PLCE1: variants seen among roughly 807,000 people sequenced by gnomAD.
PLCE1 encodes phospholipase C epsilon 1, also known as 1-phosphatidylinositol 4,5-bisphosphate phosphodiesterase epsilon-1.
In PLCE1, 119 loss-of-function variants were observed where a neutral mutation model predicts 242.8. The observed-to-expected ratio is 0.49, with a 90% CI of 0.42 to 0.57. The LOEUF (loss-of-function observed/expected upper bound fraction) is 0.57. Ranked by LOEUF, PLCE1 falls within the 20% of genes least tolerant of loss-of-function variation. PLCE1 has a pLI of 0.00. For synonymous variants in PLCE1, 945 were observed against 1,017.4 expected (o/e 0.93, Z 1.35); for missense variants, 2,441 against 2,788.8 (o/e 0.88, Z 2.81).
chr10:94,159,572 T>C (rs1021123327), intron 3 of PLCE1, among the ~76,000 whole-genome samples: 2 of 152,116 alleles, frequency 1.3e-5, no homozygotes, highest in Non-Finnish European at 2.9e-5. Flanking sequence ...CAAAGGAAAA[T>C]GGATAGAGTA....
At chr10:94,014,439 A>T (rs1191510229) in intron 1 of PLCE1, among the ~76,000 whole-genome samples, 4 of 31,492 alleles carry the variant, frequency 1.3e-4, no homozygotes, top group Non-Finnish European at 2.1e-4. Context: ...TCCTGTCTTT[A>T]AAAAAAAAAA....
chr10:94,265,998 C>A, intron 16 of PLCE1, 40 bp downstream of exon 16: 1 of 1,598,950 alleles, frequency 6.3e-7, no homozygotes, highest in Non-Finnish European at 8.6e-7. Context: ...TTTATTAAAC[C>A]TAATTATTTA....
intron 29 of PLCE1, among the ~76,000 whole-genome samples, chr10:94,320,538 G>A (rs185435980): frequency 2.6e-5 from 4 of 152,258 alleles, no homozygotes; most frequent in East Asian, 3.9e-4. Context: ...CCAAGATAGC[G>A]ACAGCAACTC....
At chr10:94,217,226 G>A (rs982181746) in intron 4 of PLCE1, among the ~76,000 whole-genome samples, 12 of 151,910 alleles carry the variant, frequency 7.9e-5, no homozygotes, top group African/African-American at 2.2e-4. Flanking sequence ...GAGCTGAAAG[G>A]ATAGGATAAG....
rs561150484 is a variant in PLCE1 at position 94,024,709 on chromosome 10, T to C, written c.-364-5974T>C. Among the ~76,000 whole-genome samples the C allele has an allele frequency of 4.6e-5, 7 of 152,260 alleles. No individual in the cohort carries two copies. In the South Asian group the frequency reaches 1.5e-3, roughly 32 times the overall value. On this transcript the variant is annotated intron_variant, in intron 1 of 32. Coordinates refer to ENST00000371380, the MANE Select transcript of PLCE1 (RefSeq NM_016341.4). ...CCTTTAAACACCTTTAATATGCTTG[T>C]ATTTCATATTTTTCTAACTTAACTA...
chr10:94,299,104 T>C (rs773366293), intron 24 of PLCE1, among the ~76,000 whole-genome samples: 7 of 152,170 alleles, frequency 4.6e-5, no homozygotes, highest in Non-Finnish European at 1.0e-4. Flanking sequence ...CTTATCCTTT[T>C]GGAATTGAGA....
intron 4 of PLCE1, among the ~76,000 whole-genome samples, chr10:94,173,308 A>G (rs953598854): frequency 1.1e-4 from 16 of 152,162 alleles, no homozygotes; most frequent in African/African-American, 3.9e-4. Context: ...ACTGAGTAAG[A>G]CAGAATCTCT....
At chr10:94,124,186 T>C (rs10882395) in intron 2 of PLCE1, among the ~76,000 whole-genome samples, 54,014 of 151,690 alleles carry the variant, frequency 0.36, 10,042 homozygotes, top group Admixed American at 0.39. Flanking sequence ...TTGAGACCAG[T>C]GTGGGCAACA....
At chr10:94,095,985 C>T (rs574557090) in intron 2 of PLCE1, among the ~76,000 whole-genome samples, 1 of 152,230 alleles carries the variant, frequency 6.6e-6, no homozygotes, top group Admixed American at 6.5e-5. Context: ...TTGAGGGAGG[C>T]TGTCATCTTC....
At chr10:94,166,074 G>T (rs1233527424) in intron 3 of PLCE1, among the ~76,000 whole-genome samples, 2 of 152,120 alleles carry the variant, frequency 1.3e-5, no homozygotes, top group Non-Finnish European at 2.9e-5. Flanking sequence ...ACAGAACTGT[G>T]TAAGTTATAC....
At chr10:94,121,914 A>G (rs1187186464) in intron 2 of PLCE1, among the ~76,000 whole-genome samples, 1 of 152,222 alleles carries the variant, frequency 6.6e-6, no homozygotes, top group Non-Finnish European at 1.5e-5. Context: ...CCATGAAGAT[A>G]GAGGCCACAC....
chr10:94,262,694 G>T lies in PLCE1; in HGVS notation c.4015G>T (p.Glu1339Ter). The change falls in exon 14 of 33, where the codon GAA (glutamate) becomes TAA (stop). Residue 1339 changes from glutamate to a stop codon, truncating the protein, a stop_gained. Coordinates refer to ENST00000371380, the MANE Select transcript of PLCE1 (RefSeq NM_016341.4). LOFTEE classifies it high-confidence loss of function. ...LNDFLVNCQG[E>*]HCTYDEILSI... Reference sequence around the variant, plus strand: ...CGATTTCCTCGTGAATTGCCAAGGAGAACACTGCACTTATGATGAAATCCT... The same window carrying T: ...CGATTTCCTCGTGAATTGCCAAGGATAACACTGCACTTATGATGAAATCCT... 1 of 1,613,966 alleles carries T rather than the reference G, an allele frequency of 6.2e-7. No homozygotes were observed. The highest frequency in any genetic ancestry group is 1.1e-5 in the South Asian group (1 of 91,082).
At chr10:94,243,733 G>C (rs1368541939) in intron 7 of PLCE1, among the ~76,000 whole-genome samples, 1 of 152,118 alleles carries the variant, frequency 6.6e-6, no homozygotes, top group East Asian at 1.9e-4. Flanking sequence ...CCTCCCCCTA[G>C]AGAAAACTAC....
chr10:94,093,958 T>C (rs1419956337), intron 2 of PLCE1, among the ~76,000 whole-genome samples: 1 of 141,180 alleles, frequency 7.1e-6, no homozygotes, highest in Admixed American at 6.9e-5. Context: ...TTTTTTTTTT[T>C]TGAGACGGAG....
chr10:94,266,057 C>A, intron 16 of PLCE1, 99 bp downstream of exon 16: 1 of 1,091,418 alleles, frequency 9.2e-7, no homozygotes, highest in Admixed American at 1.8e-5. Context: ...CTTTGAAGAG[C>A]TTATAGAGTA....
chr10:94,051,902 CG>C (rs2043775984), intron 2 of PLCE1, among the ~76,000 whole-genome samples: 1 of 152,158 alleles, frequency 6.6e-6, no homozygotes, highest in African/African-American at 2.4e-5. Context: ...AAAGAAAAAT[CG>C]GTGTATAAAA....
rs1230954929 is a variant in PLCE1, at chr10:94,330,686, C to T, written c.*2743C>T. On this transcript the variant is annotated 3_prime_UTR_variant, in exon 33 of 33. Transcript: ENST00000371380. ...CAGCCTGGGTACAAGAGTGAGACTCCATCTCAAAAAAAAAAAAAAAAAGTA... is the reference window on the plus strand; with the variant it reads ...CAGCCTGGGTACAAGAGTGAGACTCTATCTCAAAAAAAAAAAAAAAAAGTA... 1 of 136,252 alleles carries T rather than the reference C, an allele frequency of 7.3e-6. No individual in the cohort carries two copies. The highest frequency in any genetic ancestry group is 2.9e-5 in the African/African-American group (1 of 34,982). The allele number at this position is 136,252 out of a possible 1,614,324, so 8.4% of individuals were successfully genotyped here. A position where few individuals can be genotyped will look rare whatever the true frequency, so the allele number is the denominator to read the frequency against.
intron 3 of PLCE1, among the ~76,000 whole-genome samples, chr10:94,167,198 G>A (rs558030611): frequency 2.0e-5 from 3 of 152,222 alleles, no homozygotes; most frequent in African/African-American, 2.4e-5. Flanking sequence ...GGCTGAGGCC[G>A]GAGAATCGCT....
At chr10:94,039,444 C>T (rs1001139382) in intron 2 of PLCE1, among the ~76,000 whole-genome samples, 5 of 151,550 alleles carry the variant, frequency 3.3e-5, no homozygotes, top group Non-Finnish European at 5.9e-5. Flanking sequence ...TGCAGTGGCA[C>T]AATCTAGACT....
Sources: allele counts gnomAD v4.1 joint callset (sites outside exome capture counted in the v4.1 genomes callset), GRCh38; gene constraint gnomAD v4.1.1; transcripts MANE v1.5; gene names NCBI Gene and HGNC (gene_info 2026-07-23, HGNC 2026-07-21).